CEP112: variants seen among roughly 807,000 people sequenced by gnomAD.
CEP112 encodes the protein centrosomal protein 112.
In CEP112, 127 loss-of-function variants were observed where a neutral mutation model predicts 153.0. That is an observed-to-expected ratio of 0.83 (90% CI 0.72 to 0.96). The LOEUF is 0.96. CEP112 is among the 40% of genes least tolerant of loss of function. The pLI, the probability that CEP112 is intolerant of heterozygous loss-of-function variation, is 0.00. For synonymous variants in CEP112, 358 were observed against 374.4 expected (o/e 0.96, Z 0.51); for missense variants, 1,089 against 1,101.2 (o/e 0.99, Z 0.16).
At chr17:66,035,563 C>G (rs948384850) in intron 12 of CEP112, among the ~76,000 whole-genome samples, 5 of 152,146 alleles carry the variant, frequency 3.3e-5, no homozygotes, top group Admixed American at 1.3e-4. Flanking sequence ...AAAAATAGAA[C>G]TACCAAATGA....
At chr17:65,981,001 G>C (rs919525816) in intron 17 of CEP112, among the ~76,000 whole-genome samples, 2 of 152,040 alleles carry the variant, frequency 1.3e-5, no homozygotes, top group African/African-American at 2.4e-5. Flanking sequence ...GTAGAACATG[G>C]AGAGGGGTTT....
chr17:65,843,314 G>A (rs765133419), intron 21 of CEP112, among the ~76,000 whole-genome samples: 1 of 151,984 alleles, frequency 6.6e-6, no homozygotes, highest in Non-Finnish European at 1.5e-5. Context: ...GACAACTTTA[G>A]GTTCACCAAT....
intron 11 of CEP112, among the ~76,000 whole-genome samples, chr17:66,057,923 T>C (rs1049381543): frequency 6.6e-6 from 1 of 151,800 alleles, no homozygotes; most frequent in African/African-American, 2.4e-5. Flanking sequence ...AAAAACCCCA[T>C]ATCTACAAAA....
Position 65,956,405 on chromosome 17 carries a change from T to TACACACACACACACACAC in CEP112, c.1872+5057_1872+5058insGTGTGTGTGTGTGTGTGT, listed in dbSNP as rs535606142. ...AGAAATTATGATATATATACATACA[T>TACACACACACACACACAC]ACATACACACACACACACACACACA... On this transcript the variant is annotated intron_variant, in intron 18 of 26. Transcript: ENST00000535342. 4.4e-3 allele frequency among the ~76,000 whole-genome samples: 631 copies of TACACACACACACACACAC among 144,982 alleles called. 2 individuals carry two copies. Among genetic ancestry groups the TACACACACACACACACAC allele is most frequent in the Non-Finnish European group, 7.1e-3 (473 of 66,532 alleles).
chr17:66,170,818 T>TA (rs1173547651), intron 4 of CEP112, among the ~76,000 whole-genome samples: 1 of 151,532 alleles, frequency 6.6e-6, no homozygotes, highest in African/African-American at 2.4e-5. Flanking sequence ...AAAAATGCAG[T>TA]AACAGATATA....
chr17:66,087,898 C>T (rs963823266), intron 8 of CEP112, among the ~76,000 whole-genome samples: 3 of 152,004 alleles, frequency 2.0e-5, no homozygotes, highest in African/African-American at 7.2e-5. Context: ...CCCAGTAAAA[C>T]GTAGGATCAG....
intron 23 of CEP112, among the ~76,000 whole-genome samples, chr17:65,723,529 T>G (rs1469057170): frequency 1.3e-5 from 2 of 152,200 alleles, no homozygotes; most frequent in Non-Finnish European, 2.9e-5. Context: ...GTTCTCCAGA[T>G]GAGAGAATAC....
chr17:66,161,407 C>A (rs184656136), intron 4 of CEP112, among the ~76,000 whole-genome samples: 10 of 152,092 alleles, frequency 6.6e-5, no homozygotes, highest in Middle Eastern at 3.4e-3. Flanking sequence ...GCACTGTTCA[C>A]AATAGCAAAG....
At chr17:65,729,009 G>A (rs1402575702) in intron 23 of CEP112, among the ~76,000 whole-genome samples, 2 of 151,906 alleles carry the variant, frequency 1.3e-5, no homozygotes, top group African/African-American at 4.8e-5. Context: ...TTGACTCTTT[G>A]GTAATAACAT....
intron 23 of CEP112, among the ~76,000 whole-genome samples, chr17:65,736,542 T>C (rs1327325484): frequency 1.3e-5 from 2 of 152,002 alleles, no homozygotes; most frequent in African/African-American, 2.4e-5. Flanking sequence ...CCAGTGTATA[T>C]AGAGAAAACA....
At chr17:65,671,386 G>A (rs1287790824) in intron 24 of CEP112, among the ~76,000 whole-genome samples, 1 of 152,182 alleles carries the variant, frequency 6.6e-6, no homozygotes, top group Non-Finnish European at 1.5e-5. Context: ...CATGATGAGT[G>A]TAAGAGAAAA....
At chr17:66,006,827 GA>G (rs1240614388) in intron 16 of CEP112, among the ~76,000 whole-genome samples, 1 of 151,340 alleles carries the variant, frequency 6.6e-6, no homozygotes, top group Non-Finnish European at 1.5e-5. Context: ...GGTGGGGTGG[GA>G]AAACCCGCTA....
intron 18 of CEP112, among the ~76,000 whole-genome samples, chr17:65,949,019 G>C (rs945400943): frequency 1.3e-5 from 2 of 151,750 alleles, no homozygotes; most frequent in African/African-American, 4.8e-5. Context: ...TAAAAATATA[G>C]ACTATGGAAA....
At chr17:65,810,220 G>A (rs2055865688) in intron 21 of CEP112, among the ~76,000 whole-genome samples, 1 of 152,186 alleles carries the variant, frequency 6.6e-6, no homozygotes, top group African/African-American at 2.4e-5. Flanking sequence ...GTGGCACAGT[G>A]ATTGAAGTGA....
intron 21 of CEP112, among the ~76,000 whole-genome samples, chr17:65,787,909 T>G (rs2054366210): frequency 6.6e-6 from 1 of 152,204 alleles, no homozygotes; most frequent in Admixed American, 6.5e-5. Context: ...ATCCTATTTC[T>G]TTTTCTTGTA....
chr17:65,741,499 AAATT>A (rs1426904316), intron 23 of CEP112, among the ~76,000 whole-genome samples: 6 of 150,808 alleles, frequency 4.0e-5, no homozygotes, highest in South Asian at 2.1e-4. Context: ...ATTAATAACT[AAATT>A]ATTATTAAAT....
chr17:65,888,877 T>C (rs1302176251), intron 20 of CEP112, among the ~76,000 whole-genome samples: 1 of 152,146 alleles, frequency 6.6e-6, no homozygotes, highest in African/African-American at 2.4e-5. Flanking sequence ...TGATCCAAGA[T>C]ATGTTCTCCC....
chr17:66,032,272 G>A (rs1355441921), intron 12 of CEP112, among the ~76,000 whole-genome samples: 10 of 151,536 alleles, frequency 6.6e-5, no homozygotes, highest in East Asian at 5.8e-4. Flanking sequence ...AAGTGCTGGC[G>A]TTACAGGCAT....
Position 65,970,352 on chromosome 17 carries a change from T to G in CEP112, c.1737-8754A>C, listed in dbSNP as rs1287193395. 2.4e-5 allele frequency among the ~76,000 whole-genome samples: 2 copies of G among 83,448 alleles called. 1 individual carries two copies. The highest frequency in any genetic ancestry group is 5.4e-5 in the Non-Finnish European group (2 of 36,842). 54.7% of individuals were successfully genotyped at this position (83,448 alleles called of 152,430 possible). A position where few individuals can be genotyped will look rare whatever the true frequency, so the allele number is the denominator to read the frequency against. On this transcript the variant is annotated intron_variant, in intron 17 of 26. Coordinates refer to ENST00000535342, the MANE Select transcript of CEP112 (RefSeq NM_001199165.4). ...GCATGCATATTACATGCATGTGCAC[T>G]ATGTGCCTATATTACATGCACACAT...
Sources: allele counts gnomAD v4.1 joint callset (sites outside exome capture counted in the v4.1 genomes callset), GRCh38; gene constraint gnomAD v4.1.1; transcripts MANE v1.5; gene names NCBI Gene and HGNC (gene_info 2026-07-23, HGNC 2026-07-21).